MIA2: variants seen among roughly 807,000 people sequenced by gnomAD.
MIA2 encodes MIA SH3 domain ER export factor 2.
MIA2 carries 127 observed loss-of-function variants against 167.8 expected under a neutral mutation model. The ratio of observed to expected loss-of-function variants is 0.76; its 90% CI spans 0.66 to 0.88. The LOEUF (loss-of-function observed/expected upper bound fraction) is 0.88, where lower values mean the gene tolerates loss of function less well. MIA2 is among the 40% of genes least tolerant of loss of function. MIA2 has a pLI of 0.00. For synonymous variants in MIA2, 552 were observed against 541.9 expected, an observed-to-expected ratio of 1.02 and a Z score of -0.26; for missense variants, 1,690 against 1,624.7, an observed-to-expected ratio of 1.04 and a Z score of -0.69.
At chr14:39,377,064 C>G (rs748232608) in intron 23 of MIA2, among the ~76,000 whole-genome samples, 1 of 152,122 alleles carries the variant, frequency 6.6e-6, no homozygotes, top group Admixed American at 6.5e-5. Flanking sequence ...TTTTTAAAAT[C>G]TTTCAGATAA....
At chr14:39,326,608 TTATTA>T (rs1490226053) in intron 24 of MIA2, among the ~76,000 whole-genome samples, 3 of 148,870 alleles carry the variant, frequency 2.0e-5, no homozygotes, top group Non-Finnish European at 3.0e-5. Flanking sequence ...ATTTAATCAT[TTATTA>T]TATTTTATAT....
At chr14:39,384,237 C>T (rs550326524) in intron 23 of MIA2, among the ~76,000 whole-genome samples, 1 of 152,184 alleles carries the variant, frequency 6.6e-6, no homozygotes. Context: ...TATGTTAAAT[C>T]TGCTCTGCCT....
rs201847458 is a variant in MIA2, at chr14:39,248,443, A to AT, written c.1567+314dup. Among the ~76,000 whole-genome samples the AT allele has an allele frequency of 2.4e-3, 348 of 146,664 alleles. 1 individual carries two copies. Among genetic ancestry groups the AT allele is most frequent in the Middle Eastern group, 7.2e-3 (2 of 276 alleles). ...TTAAAATTTGAAATAGTGCTAAGGC[A>AT]TTTTTTTTTTTTGACAAAAGCAATT... On this transcript the variant is annotated intron_variant, in intron 4 of 28. Transcript: ENST00000640607.
chr14:39,344,111 T>C (rs979041644), intron 25 of MIA2, among the ~76,000 whole-genome samples: 5 of 152,210 alleles, frequency 3.3e-5, no homozygotes, highest in Non-Finnish European at 5.9e-5. Flanking sequence ...TACTAGGCCT[T>C]GGTAAGATTT....
At chr14:39,387,525 TAA>T (rs750167759) in exon 24 of MIA2, 1 of 152,258 alleles carries the variant, frequency 6.6e-6, no homozygotes, top group Non-Finnish European at 1.5e-5. Flanking sequence ...TATGGATCAG[TAA>T]AAAAAGTGTG....
chr14:39,307,171 A>T (rs2063471792), intron 17 of MIA2, among the ~76,000 whole-genome samples: 1 of 152,060 alleles, frequency 6.6e-6, no homozygotes, highest in Admixed American at 6.6e-5. Context: ...AAGTATTATT[A>T]AGAGAGAAAG....
intron 23 of MIA2, among the ~76,000 whole-genome samples, chr14:39,363,330 G>A (rs1251598271): frequency 6.6e-6 from 1 of 152,140 alleles, no homozygotes; most frequent in Non-Finnish European, 1.5e-5. Context: ...AGGATTTCGA[G>A]ACCAGCCTGG....
At chr14:39,330,977 C>T (rs111904469) in intron 25 of MIA2, among the ~76,000 whole-genome samples, 7 of 152,084 alleles carry the variant, frequency 4.6e-5, no homozygotes, top group South Asian at 4.2e-4. Flanking sequence ...CTGTTAGGTC[C>T]GCTTGGTCCA....
At chr14:39,298,413 T>TTTTTTATATATATATATATATATATA (rs1397878336) in intron 13 of MIA2, among the ~76,000 whole-genome samples, 1 of 26,138 alleles carries the variant, frequency 3.8e-5, no homozygotes, top group African/African-American at 1.4e-4. Flanking sequence ...TGATTCTGTT[T>TTTTTTATATATATATATATATATATA]TATATATATA....
At position 39,237,057 on chromosome 14, in the gene MIA2, T is replaced by C. The variant is rs767458942; in HGVS notation, c.249+2T>C. On this transcript the variant is annotated splice_donor_variant, in intron 2 of 28. Transcript: ENST00000640607. LOFTEE classifies it high-confidence loss of function. ...AGGGAAGATTTGTGGGCAGGAAGTG[T>C]AAGTAACTACTTTTAAAAATTGAAT... 1 of 1,611,686 alleles carries C rather than the reference T, an allele frequency of 6.2e-7. No homozygotes were observed. Among genetic ancestry groups the C allele is most frequent in the Admixed American group, 1.7e-5 (1 of 59,286 alleles).
At chr14:39,365,031 A>C (rs1423511974) in intron 23 of MIA2, among the ~76,000 whole-genome samples, 1 of 151,662 alleles carries the variant, frequency 6.6e-6, no homozygotes, top group Non-Finnish European at 1.5e-5. Flanking sequence ...ATTTTATTAA[A>C]TAGGTTTTCT....
chr14:39,325,521 C>A (rs988505105), intron 24 of MIA2, among the ~76,000 whole-genome samples: 13 of 149,130 alleles, frequency 8.7e-5, no homozygotes, highest in African/African-American at 3.2e-4. Context: ...GCGCCTGCCA[C>A]CATGCCCGGC....
chr14:39,290,418 T>G (rs2060574573), intron 9 of MIA2, among the ~76,000 whole-genome samples: 1 of 152,186 alleles, frequency 6.6e-6, no homozygotes, highest in Admixed American at 6.5e-5. Context: ...TGATCACTTT[T>G]TTTGAATAAT....
intron 7 of MIA2, among the ~76,000 whole-genome samples, chr14:39,277,692 GTATATATATATATATATATATA>G (rs1205916344): frequency 0.023 from 100 of 4,356 alleles, 22 homozygotes; most frequent in African/African-American, 0.11. Flanking sequence ...ATATATGTGT[GTATATATATATATATATATATA>G]TGTGTGTATA....
At chr14:39,258,853 T>G (rs1359285458) in intron 6 of MIA2, among the ~76,000 whole-genome samples, 1 of 152,242 alleles carries the variant, frequency 6.6e-6, no homozygotes, top group Non-Finnish European at 1.5e-5. Context: ...TCTGCAGGTC[T>G]GCTGCAGTTT....
At chr14:39,264,517 A>AT (rs551938298) in intron 6 of MIA2, among the ~76,000 whole-genome samples, 53 of 152,044 alleles carry the variant, frequency 3.5e-4, no homozygotes, top group African/African-American at 1.2e-3. Flanking sequence ...TTTTTTTTCT[A>AT]TTTTACAATT....
chr14:39,312,769 C>T (rs1405922289), intron 18 of MIA2, among the ~76,000 whole-genome samples: 1 of 151,654 alleles, frequency 6.6e-6, no homozygotes, highest in Non-Finnish European at 1.5e-5. Context: ...AGTCTGAGAA[C>T]AGTTTTTGGC....
At chr14:39,286,192 C>A (rs141573662) in intron 9 of MIA2, among the ~76,000 whole-genome samples, 1 of 152,238 alleles carries the variant, frequency 6.6e-6, no homozygotes, top group Non-Finnish European at 1.5e-5. Context: ...TCTGCAATCC[C>A]GGCACCTCGG....
chr14:39,379,320 C>G (rs1023467342), intron 23 of MIA2, among the ~76,000 whole-genome samples: 2 of 152,200 alleles, frequency 1.3e-5, no homozygotes, highest in African/African-American at 4.8e-5. Flanking sequence ...GCACCCACCT[C>G]TTTCAGGATA....
Sources: gnomAD v4.1 joint callset for allele counts (sites outside exome capture counted in the v4.1 genomes callset) on GRCh38, gnomAD v4.1.1 for gene constraint, MANE v1.5 for transcripts, NCBI Gene and HGNC (gene_info 2026-07-23, HGNC 2026-07-21) for gene names.